SHISA6: variants seen among roughly 807,000 people sequenced by gnomAD.
SHISA6 encodes protein shisa-6.
Under a neutral mutation model 47.9 loss-of-function variants are expected in SHISA6, and 22 were observed. That is an observed-to-expected ratio of 0.46 (90% CI 0.33 to 0.66). The LOEUF is 0.66. SHISA6 is among the 30% of genes least tolerant of loss of function. SHISA6 has a pLI of 0.02. For missense variants in SHISA6, 680 were observed against 764.6 expected (o/e 0.89, Z 1.30); for synonymous variants, 388 against 337.8 (o/e 1.15, Z -1.63).
chr17:11,477,388 A>AT (rs1306083059), intron 3 of SHISA6, among the ~76,000 whole-genome samples: 7 of 151,838 alleles, frequency 4.6e-5, no homozygotes, highest in African/African-American at 1.7e-4. Context: ...ACATGATTCT[A>AT]TTTTCTCTAA....
chr17:11,401,967 A>G (rs1410283028), intron 3 of SHISA6, among the ~76,000 whole-genome samples: 1 of 152,198 alleles, frequency 6.6e-6, no homozygotes, highest in East Asian at 1.9e-4. Flanking sequence ...GGACAGGGAA[A>G]CCACAATGAA....
At chr17:11,294,716 G>T (rs1243491115) in intron 2 of SHISA6, among the ~76,000 whole-genome samples, 1 of 151,922 alleles carries the variant, frequency 6.6e-6, no homozygotes, top group Non-Finnish European at 1.5e-5. Flanking sequence ...TGAAACCAAG[G>T]ATGGTACCAA....
chr17:11,267,112 A>G (rs753378412), intron 2 of SHISA6, among the ~76,000 whole-genome samples: 4 of 152,228 alleles, frequency 2.6e-5, no homozygotes, highest in Non-Finnish European at 4.4e-5. Flanking sequence ...GTCCCCTTCT[A>G]TAAGAGCCTT....
chr17:11,328,639 T>C (rs1910994635), intron 2 of SHISA6, among the ~76,000 whole-genome samples: 1 of 152,186 alleles, frequency 6.6e-6, no homozygotes, highest in Admixed American at 6.5e-5. Flanking sequence ...TTTTAACAAA[T>C]ATCCCAACAA....
chr17:11,375,509 T>C (rs772733113), intron 2 of SHISA6, among the ~76,000 whole-genome samples: 8 of 152,184 alleles, frequency 5.3e-5, no homozygotes, highest in Non-Finnish European at 1.2e-4. Flanking sequence ...CAAAATTCTG[T>C]TAAGTCTTTA....
intron 2 of SHISA6, among the ~76,000 whole-genome samples, chr17:11,311,277 G>A (rs1444027553): frequency 6.8e-5 from 5 of 73,272 alleles, no homozygotes; most frequent in Admixed American, 1.4e-4. Flanking sequence ...GCAAGACTTC[G>A]TCAAAAAAAA....
At chr17:11,336,524 C>A (rs1048755711) in intron 2 of SHISA6, among the ~76,000 whole-genome samples, 2 of 152,134 alleles carry the variant, frequency 1.3e-5, no homozygotes, top group Non-Finnish European at 2.9e-5. Flanking sequence ...CCTCACCTGC[C>A]GCCCCTGGCT....
At chr17:11,488,883 T>A (rs963671278) in intron 3 of SHISA6, among the ~76,000 whole-genome samples, 3 of 152,202 alleles carry the variant, frequency 2.0e-5, no homozygotes, top group African/African-American at 7.2e-5. Context: ...AAATGGATGG[T>A]TCCTCAAAGA....
intron 3 of SHISA6, among the ~76,000 whole-genome samples, chr17:11,535,151 T>C (rs2071776015): frequency 1.3e-5 from 2 of 151,398 alleles, no homozygotes; most frequent in Admixed American, 6.6e-5. Context: ...TAAAATAAAA[T>C]AGAAATAAAA....
intron 3 of SHISA6, among the ~76,000 whole-genome samples, chr17:11,486,377 G>C (rs991595031): frequency 6.6e-6 from 1 of 152,214 alleles, no homozygotes; most frequent in Non-Finnish European, 1.5e-5. Context: ...TCCGGGGCCA[G>C]GGACCCGGGT....
chr17:11,368,047 C>T (rs1180926257), intron 2 of SHISA6, among the ~76,000 whole-genome samples: 1 of 152,154 alleles, frequency 6.6e-6, no homozygotes, highest in African/African-American at 2.4e-5. Flanking sequence ...ACATGACCCA[C>T]TTTTCCAAAG....
intron 2 of SHISA6, among the ~76,000 whole-genome samples, chr17:11,331,392 T>G (rs1430850489): frequency 6.6e-6 from 1 of 152,188 alleles, no homozygotes; most frequent in Non-Finnish European, 1.5e-5. Flanking sequence ...ATTTCACCAC[T>G]GAATTCTGAA....
chr17:11,426,665 G>A (rs918074673), intron 3 of SHISA6, among the ~76,000 whole-genome samples: 3 of 152,144 alleles, frequency 2.0e-5, no homozygotes, highest in Non-Finnish European at 2.9e-5. Context: ...AACTTAATAC[G>A]TCTAGATAAA....
At chr17:11,421,992 G>A (rs748533233) in intron 3 of SHISA6, among the ~76,000 whole-genome samples, 20 of 152,150 alleles carry the variant, frequency 1.3e-4, no homozygotes, top group Non-Finnish European at 2.5e-4. Context: ...GAGGGGAGGA[G>A]GGGAGAAGAA....
chr17:11,446,079 G>T (rs1035517475), intron 3 of SHISA6, among the ~76,000 whole-genome samples: 1 of 152,152 alleles, frequency 6.6e-6, no homozygotes, highest in African/African-American at 2.4e-5. Context: ...GCCCGCCTCG[G>T]CCTCCCAAAG....
At chr17:11,256,497 AAAAAC>A (rs559562133) in intron 1 of SHISA6, among the ~76,000 whole-genome samples, 1 of 152,088 alleles carries the variant, frequency 6.6e-6, no homozygotes. Flanking sequence ...CTCTATCTCA[AAAAAC>A]AAAACAAAAC....
chr17:11,319,923 A>G (rs1910654525), intron 2 of SHISA6, among the ~76,000 whole-genome samples: 1 of 152,230 alleles, frequency 6.6e-6, no homozygotes, highest in African/African-American at 2.4e-5. Context: ...GCCTAAAAAG[A>G]AAACTAGAAG....
At chr17:11,512,757 TTATAG>T (rs1336647778) in intron 3 of SHISA6, among the ~76,000 whole-genome samples, 15 of 152,266 alleles carry the variant, frequency 9.9e-5, no homozygotes, top group African/African-American at 3.6e-4. Flanking sequence ...TAAGAGAGTG[TTATAG>T]TATAATATAC....
chr17:11,455,354 C>G (rs1359762924), intron 3 of SHISA6, among the ~76,000 whole-genome samples: 1 of 152,132 alleles, frequency 6.6e-6, no homozygotes, highest in Non-Finnish European at 1.5e-5. Flanking sequence ...TGCTGAACAC[C>G]TACAACAATG....
Sources: allele counts gnomAD v4.1 joint callset (sites outside exome capture counted in the v4.1 genomes callset), GRCh38; gene constraint gnomAD v4.1.1; transcripts MANE v1.5; gene names NCBI Gene and HGNC (gene_info 2026-07-23, HGNC 2026-07-21).